The following ERI3 variants were observed in gnomAD, a reference collection of about 807,000 sequenced individuals.
ERI3 encodes ERI1 exoribonuclease family member 3.
ERI3 carries 18 observed loss-of-function variants against 44.4 expected under a neutral mutation model. That is an observed-to-expected ratio of 0.41 (90% CI 0.28 to 0.60). The LOEUF (loss-of-function observed/expected upper bound fraction) is 0.60, where lower values mean the gene tolerates loss of function less well. ERI3 is among the 20% of genes least tolerant of loss of function. The pLI is 0.36. For synonymous variants in ERI3, 183 were observed against 164.8 expected (o/e 1.11, Z -0.84); for missense variants, 294 against 435.5 (o/e 0.68, Z 2.89).
At chr1:44,274,456 G>C (rs1011816783) in intron 7 of ERI3, among the ~76,000 whole-genome samples, 2 of 152,170 alleles carry the variant, frequency 1.3e-5, no homozygotes, top group African/African-American at 2.4e-5. Flanking sequence ...GGGAAGGAGT[G>C]AAAGAAATTT....
chr1:44,310,948 ACAT>A (rs1557840646), intron 5 of ERI3, among the ~76,000 whole-genome samples: 229 of 123,080 alleles, frequency 1.9e-3, no homozygotes, highest in African/African-American at 6.4e-3. Context: ...ATGTATGTGC[ACAT>A]CGCGCGCGCG....
chr1:44,308,749 T>A (rs1349428510), intron 5 of ERI3, among the ~76,000 whole-genome samples: 4 of 152,212 alleles, frequency 2.6e-5, no homozygotes, highest in Admixed American at 2.6e-4. Context: ...GACAGGCTGT[T>A]GTCCTGGGGC....
At position 44,308,779 on chromosome 1, in the gene ERI3, A is replaced by T. The variant is rs534147117; in HGVS notation, c.667-378T>A. ...TGGGGCATCAGAACAGGGTAGTAGG[A>T]GGCCCCAAACAGGAGCTCCAACCCA... On this transcript the variant is annotated intron_variant, in intron 5 of 8. Coordinates refer to ENST00000372257, the MANE Select transcript of ERI3 (RefSeq NM_024066.3). 1.4e-4 allele frequency among the ~76,000 whole-genome samples: 22 copies of T among 152,316 alleles called. 1 individual carries two copies. The South Asian group carries it at 4.6e-3, about 32-fold the overall frequency.
Position 44,308,330 on chromosome 1 carries a change from T to C in ERI3, c.738A>G (p.Gly246=), listed in dbSNP as rs1370128226. The C allele has an allele frequency of 6.2e-7, 1 of 1,613,824 alleles. No homozygotes were observed. Among genetic ancestry groups the C allele is most frequent in the Admixed American group, 1.7e-5 (1 of 60,026 alleles). Reference sequence around the variant, plus strand: ...CTCACATGACTTTTAAGTCCCAGTCTCCACAGGTGACAAAAATTGACTTGA... The same window carrying C: ...CTCACATGACTTTTAAGTCCCAGTCCCCACAGGTGACAAAAATTGACTTGA... ...PNVKSIFVTC[G]DWDLKVMLPG... is the part of the protein sequence containing the mutation. Residue 246 remains glycine (G), a synonymous_variant, in exon 6 of 9, where the codon GGA becomes GGG. Transcript: ENST00000372257.
chr1:44,337,067 T>C (rs779955376), intron 3 of ERI3, among the ~76,000 whole-genome samples: 3 of 152,194 alleles, frequency 2.0e-5, no homozygotes, highest in Non-Finnish European at 4.4e-5. Flanking sequence ...AAGGTGACAT[T>C]GACAGACCAA....
At chr1:44,251,949 G>A (rs1319305933) in intron 7 of ERI3, among the ~76,000 whole-genome samples, 1 of 152,204 alleles carries the variant, frequency 6.6e-6, no homozygotes, top group African/African-American at 2.4e-5. Context: ...GCAGGAATCT[G>A]CTTTAAGAGC....
At chr1:44,301,142 C>T (rs186240349) in intron 6 of ERI3, among the ~76,000 whole-genome samples, 146 of 152,312 alleles carry the variant, frequency 9.6e-4, no homozygotes, top group Admixed American at 4.6e-3. Context: ...CCCATCAACT[C>T]ACGCTGCCTT....
At chr1:44,246,612 G>C (rs2154318025) in intron 8 of ERI3, among the ~76,000 whole-genome samples, 1 of 152,334 alleles carries the variant, frequency 6.6e-6, no homozygotes, top group East Asian at 1.9e-4. Context: ...CTACCTCTTA[G>C]TGAGAGGTAA....
intron 3 of ERI3, among the ~76,000 whole-genome samples, chr1:44,333,887 T>C (rs1572308850): frequency 6.6e-6 from 1 of 152,280 alleles, no homozygotes; most frequent in Non-Finnish European, 1.5e-5. Context: ...TTACTCATAG[T>C]TCTAACTCAA....
intron 2 of ERI3, among the ~76,000 whole-genome samples, chr1:44,345,161 G>T (rs1316800511): frequency 6.6e-6 from 1 of 152,246 alleles, no homozygotes; most frequent in Non-Finnish European, 1.5e-5. Flanking sequence ...AACCACAGAG[G>T]AGTCGTTCTG....
chr1:44,252,339 C>T lies in ERI3; in HGVS notation c.832-4301G>A, dbSNP rs993057818. On this transcript the variant is annotated intron_variant, in intron 7 of 8. Coordinates refer to ENST00000372257, the MANE Select transcript of ERI3 (RefSeq NM_024066.3). The surrounding 1 kb of genome is among the most constrained non-coding windows in gnomAD (Gnocchi z 4.7). ...CAGGTGCCGAGCTGCTCCCGGCTGGCTCTCCCCTCTCGTGGCTCTGCCCGC... is the reference window on the plus strand; with the variant it reads ...CAGGTGCCGAGCTGCTCCCGGCTGGTTCTCCCCTCTCGTGGCTCTGCCCGC... Among the ~76,000 whole-genome samples, 4 of 152,254 alleles carry T rather than the reference C, an allele frequency of 2.6e-5. No individual in the cohort carries two copies. The highest frequency in any genetic ancestry group is 5.9e-5 in the Non-Finnish European group (4 of 68,042).
chr1:44,263,398 C>G (rs1283738026), intron 7 of ERI3, among the ~76,000 whole-genome samples: 1 of 152,242 alleles, frequency 6.6e-6, no homozygotes, highest in African/African-American at 2.4e-5. Flanking sequence ...ACTGGCCACA[C>G]AGGCCCACAC....
At chr1:44,247,303 A>C (rs1043112979) in intron 8 of ERI3, among the ~76,000 whole-genome samples, 1 of 152,128 alleles carries the variant, frequency 6.6e-6, no homozygotes, top group African/African-American at 2.4e-5. Context: ...GAAACTAACA[A>C]AACCTCCAAC....
chr1:44,347,440 C>T (rs1317758724), intron 2 of ERI3, among the ~76,000 whole-genome samples: 2 of 152,188 alleles, frequency 1.3e-5, no homozygotes, highest in African/African-American at 2.4e-5. Context: ...CCAATTCTTA[C>T]TCAAGTACCC....
intron 2 of ERI3, among the ~76,000 whole-genome samples, chr1:44,347,759 G>C (rs954313246): frequency 7.2e-6 from 1 of 137,976 alleles, no homozygotes; most frequent in African/African-American, 2.5e-5. Context: ...CAGTATAGGT[G>C]AATGTGTGCA....
chr1:44,313,135 T>A, intron 5 of ERI3, 34 bp downstream of exon 5: 1 of 1,602,298 alleles, frequency 6.2e-7, no homozygotes, highest in Non-Finnish European at 8.6e-7. Context: ...CAGGAAGGGG[T>A]CAGAGGTCAG....
intron 5 of ERI3, 140 bp downstream of exon 5, chr1:44,313,029 T>A (rs1646007190): frequency 3.9e-6 from 3 of 760,244 alleles, no homozygotes; most frequent in Non-Finnish European, 7.0e-6. Flanking sequence ...CTCAACAGCA[T>A]GTCACTGATG....
intron 3 of ERI3, among the ~76,000 whole-genome samples, chr1:44,334,459 C>T (rs528902092): frequency 6.6e-6 from 1 of 152,262 alleles, no homozygotes; most frequent in East Asian, 1.9e-4. Context: ...TTCTCCTAAA[C>T]CAGATAAAAA....
rs1040026699 is a variant in ERI3, at chr1:44,235,975, T to C, written c.931+11964A>G. Among the ~76,000 whole-genome samples, 1 of 152,198 alleles carries C rather than the reference T, an allele frequency of 6.6e-6. No individual in the cohort carries two copies. Among genetic ancestry groups the C allele is most frequent in the African/African-American group, 2.4e-5 (1 of 41,448 alleles). On this transcript the variant is annotated intron_variant, in intron 8 of 8. Coordinates refer to ENST00000372257, the MANE Select transcript of ERI3 (RefSeq NM_024066.3). The surrounding 1 kb of genome is among the most constrained non-coding windows in gnomAD (Gnocchi z 4.6). ...TTTCATCCTCAAGCTGCTCAGCTAATCCCTATTAATTTCAATACCGCCGCC... is the reference window on the plus strand; with the variant it reads ...TTTCATCCTCAAGCTGCTCAGCTAACCCCTATTAATTTCAATACCGCCGCC...
Sources: gnomAD v4.1 joint callset for allele counts (sites outside exome capture counted in the v4.1 genomes callset) on GRCh38, gnomAD v4.1.1 for gene constraint, Gnocchi (gnomAD v3.1) non-coding constraint, MANE v1.5 for transcripts, NCBI Gene and HGNC (gene_info 2026-07-23, HGNC 2026-07-21) for gene names.